The following FZD5 variants were observed in gnomAD, a reference collection of about 807,000 sequenced individuals.
FZD5 encodes frizzled-5.
Under a neutral mutation model 40.8 loss-of-function variants are expected in FZD5, and 12 were observed. The observed-to-expected ratio is 0.29, with a 90% CI of 0.19 to 0.48. FZD5 has a LOEUF of 0.48. Ranked by LOEUF, FZD5 falls within the 20% of genes least tolerant of loss-of-function variation. The pLI is 0.99. For missense variants in FZD5, 622 were observed against 832.8 expected (o/e 0.75, Z 3.12); for synonymous variants, 380 against 383.7 (o/e 0.99, Z 0.11).
At position 207,767,517 on chromosome 2, in the gene FZD5, A is replaced by C; in HGVS notation, c.1223T>G (p.Leu408Arg). ...CGTGCCCACCAGCAGGTAGAGCACC[A>C]GCGGGCCCAGCACGAAGCCGCGCAG... ...NSLRGFVLGP[L>R]VLYLLVGTLF... The change falls in exon 2 of 2, where the codon CTG (leucine) becomes CGG (arginine). Residue 408 changes from leucine (L) to arginine (R), a missense_variant. Leu to Arg is a moderately radical substitution (Grantham distance 102, BLOSUM62 -2). Coordinates refer to ENST00000295417, the MANE Select transcript of FZD5 (RefSeq NM_003468.4). 1 of 1,609,674 alleles carries C rather than the reference A, an allele frequency of 6.2e-7. No homozygotes were observed. The highest frequency in any genetic ancestry group is 8.5e-7 in the Non-Finnish European group (1 of 1,179,896).
Position 207,768,206 on chromosome 2 carries a change from C to T in FZD5, c.534G>A (p.Ser178=). The change falls in exon 2 of 2, where the codon TCG becomes TCA. Residue 178 remains serine (S), a synonymous_variant. Coordinates refer to ENST00000295417, the MANE Select transcript of FZD5 (RefSeq NM_003468.4). ...GGCCCCCAGCGGGGCATTCGCCCCC[C>T]GAGGCCGGCGCCCCTGGCGGGCCTG... is the stretch of plus-strand genomic sequence containing the variant. ...TLPGPPGAPA[S]GGECPAGGPF... 1 of 1,582,390 alleles carries T rather than the reference C, an allele frequency of 6.3e-7. No individual in the cohort carries two copies. Among genetic ancestry groups the T allele is most frequent in the Non-Finnish European group, 8.5e-7 (1 of 1,169,904 alleles).
rs769602884 is a variant in FZD5, at chr2:207,768,413, G to A, written c.327C>T (p.Cys109=). 7 of 1,607,888 alleles carry A rather than the reference G, an allele frequency of 4.4e-6. No homozygotes were observed. The African/African-American group carries it at 6.7e-5, about 15-fold the overall frequency. The change falls in exon 2 of 2, where the codon TGC becomes TGT. Residue 109 remains cysteine (C), a synonymous_variant. Coordinates refer to ENST00000295417, the MANE Select transcript of FZD5 (RefSeq NM_003468.4). ...GCGAGCAGCCGGCCTTGGCGCGCTCGCACACCGAGCGGCAGGGCGGCAGCG... is the reference window on the plus strand; with the variant it reads ...GCGAGCAGCCGGCCTTGGCGCGCTCACACACCGAGCGGCAGGGCGGCAGCG... ...HKPLPPCRSV[C]ERAKAGCSPL...
rs751297747 is a variant in FZD5, at chr2:207,767,250, T to G, written c.1490A>C (p.Lys497Thr). 1.4e-4 allele frequency: 228 copies of G among 1,610,724 alleles called. 1 individual carries two copies. In the South Asian group the frequency reaches 2.2e-3, roughly 16 times the overall value. ...GAGCATGAGCACCCAGTACTCGGGC[T>G]TGGCGCGCGGCTGGCCGGTGTCGTG... ...PGHDTGQPRA[K>T]PEYWVLMLKY... The change falls in exon 2 of 2, where the codon AAG becomes ACG. Residue 497 changes from lysine to threonine, a missense_variant. Around this residue, in one of 4 missense-constraint regions of FZD5, gnomAD observed 154 missense variants for 152.1 expected, o/e 1.01. Transcript: ENST00000295417.
chr2:207,769,109 C>G lies in FZD5; in HGVS notation c.-255-115G>C, dbSNP rs185315590. The G allele has an allele frequency of 2.2e-5, 5 of 226,624 alleles. No homozygotes were observed. In the Admixed American group the frequency reaches 2.2e-4, roughly 10 times the overall value. The allele number at this position is 226,624 out of a possible 1,614,324, so 14.0% of individuals were successfully genotyped here. ...CTCTTAAGTTAACCCCTTTCCTTTC[C>G]TCCCCGCTCCGCCTCCTGTAACCAA... On this transcript the variant is annotated intron_variant, in intron 1 of 1. Transcript: ENST00000295417.
In FZD5 at chr2:207,766,794, G is replaced by T; in HGVS notation, c.*188C>A. 1 of 469,624 alleles carries T rather than the reference G, an allele frequency of 2.1e-6. No homozygotes were observed. Among genetic ancestry groups the T allele is most frequent in the East Asian group, 3.3e-5 (1 of 30,712 alleles). 29.1% of individuals were successfully genotyped at this position (469,624 alleles called of 1,614,324 possible). A position where few individuals can be genotyped will look rare whatever the true frequency, so the allele number is the denominator to read the frequency against. On this transcript the variant is annotated 3_prime_UTR_variant, in exon 2 of 2. Coordinates refer to ENST00000295417, the MANE Select transcript of FZD5 (RefSeq NM_003468.4). ...AAGAAACGCAAAATAGAATACACGT[G>T]AGCTGGGCCCCTTGGAGAAGACCTG...
Position 207,762,599 on chromosome 2 carries a change from T to C in FZD5, c.*4383A>G, listed in dbSNP as rs1440156321. 6.6e-6 allele frequency: 1 copy of C among 152,666 alleles called. No homozygotes were observed. The highest frequency in any genetic ancestry group is 1.5e-5 in the Non-Finnish European group (1 of 68,038). 9.5% of individuals were successfully genotyped at this position (152,666 alleles called of 1,614,324 possible). A position where few individuals can be genotyped will look rare whatever the true frequency, so the allele number is the denominator to read the frequency against. On this transcript the variant is annotated 3_prime_UTR_variant, in exon 2 of 2. Coordinates refer to ENST00000295417, the MANE Select transcript of FZD5 (RefSeq NM_003468.4). ...GGAGAAAAAGACTTCTACAGCATCT[T>C]TTTATTGTCTTTACCATTACTTTAA... is the stretch of plus-strand genomic sequence containing the variant.
In FZD5 at chr2:207,767,977, C is replaced by A. The variant is rs2091989097; in HGVS notation, c.763G>T (p.Ala255Ser). The A allele has an allele frequency of 6.2e-7, 1 of 1,608,014 alleles. No homozygotes were observed. The change falls in exon 2 of 2, where the codon GCC (alanine) becomes TCC (serine). Residue 255 changes from alanine (A) to serine (S), a missense_variant. Ala to Ser is a moderately conservative substitution (Grantham distance 99, BLOSUM62 1). Coordinates refer to ENST00000295417, the MANE Select transcript of FZD5 (RefSeq NM_003468.4). Reference protein sequence around the residue: ...LCFISTSTTVATFLIDMERFR... With the variant: ...LCFISTSTTVSTFLIDMERFR... ...CGTTCCATGTCGATGAGGAAGGTGG[C>A]CACTGTGGTGGACGTGGAGATGAAG...
chr2:207,767,174 C>T lies in FZD5; in HGVS notation c.1566G>A (p.Trp522Ter). The change falls in exon 2 of 2, where the codon TGG becomes TGA. Residue 522 changes from tryptophan (W) to a stop codon, truncating the protein, a stop_gained. Transcript: ENST00000295417. LOFTEE classifies it high-confidence loss of function. ...VVGITSGVWIWSGKTVESWRR... is the reference protein window; with the variant it reads ...VVGITSGVWI ...GCCACGACTCCACCGTCTTGCCCGACCAGATCCAGACGCCCGACGTGATGC... is the reference window on the plus strand; with the variant it reads ...GCCACGACTCCACCGTCTTGCCCGATCAGATCCAGACGCCCGACGTGATGC... 1 of 1,593,974 alleles carries T rather than the reference C, an allele frequency of 6.3e-7. No individual in the cohort carries two copies. Among genetic ancestry groups the T allele is most frequent in the Non-Finnish European group, 8.5e-7 (1 of 1,171,412 alleles).
Position 207,766,071 on chromosome 2 carries a change from TAAAAAAAAA to T in FZD5, c.*902_*910del. On this transcript the variant is annotated 3_prime_UTR_variant, in exon 2 of 2. Transcript: ENST00000295417. ...TACCAAAATTATAACACAAGTTCCT[TAAAAAAAAA>T]AAAAAAAAAAAAAAAAGGGGATCAC... 1.1e-5 allele frequency: 1 copy of T among 91,656 alleles called. No individual in the cohort carries two copies. The highest frequency in any genetic ancestry group is 5.1e-4 in the South Asian group (1 of 1,946). The allele number at this position is 91,656 out of a possible 1,614,324, so 5.7% of individuals were successfully genotyped here.
rs989343268 is a variant in FZD5 at position 207,767,378 on chromosome 2, C to A, written c.1362G>T (p.Thr454=). Residue 454 remains threonine, a synonymous_variant, in exon 2 of 2, where the codon ACG becomes ACT. Transcript: ENST00000295417. ...EKLMIRIGIF[T]LLYTVPASIV... is the part of the protein sequence containing the mutation. ...TGCTGGCGGGGACCGTGTAGAGCAG[C>A]GTGAAGATGCCGATGCGGATCATGA... 1.9e-6 allele frequency: 3 copies of A among 1,612,522 alleles called. No individual in the cohort carries two copies. Among genetic ancestry groups the A allele is most frequent in the African/African-American group, 1.3e-5 (1 of 75,002 alleles).
In FZD5 at chr2:207,764,573, C is replaced by A. The variant is rs1179764930; in HGVS notation, c.*2409G>T. Reference sequence around the variant, plus strand: ...AAAGATCCTGACTAATATTGCCCCCCACTTGGGCTTAGCGTCCTTTGTTTT... The same window carrying A: ...AAAGATCCTGACTAATATTGCCCCCAACTTGGGCTTAGCGTCCTTTGTTTT... On this transcript the variant is annotated 3_prime_UTR_variant, in exon 2 of 2. Coordinates refer to ENST00000295417, the MANE Select transcript of FZD5 (RefSeq NM_003468.4). The A allele has an allele frequency of 6.6e-6, 1 of 152,190 alleles. No homozygotes were observed. Among genetic ancestry groups the A allele is most frequent in the East Asian group, 1.9e-4 (1 of 5,194 alleles). 9.4% of individuals were successfully genotyped at this position (152,190 alleles called of 1,614,324 possible).
In FZD5 at chr2:207,769,785, G is replaced by A. The variant is rs1253637394; in HGVS notation, c.-776C>T. Among the ~76,000 whole-genome samples the A allele has an allele frequency of 1.3e-5, 2 of 151,894 alleles. No homozygotes were observed. The highest frequency in any genetic ancestry group is 4.8e-5 in the African/African-American group (2 of 41,372). On this transcript the variant is annotated 5_prime_UTR_variant, in exon 1 of 2. Coordinates refer to ENST00000295417, the MANE Select transcript of FZD5 (RefSeq NM_003468.4). ...TCCTGGGGGCGGTGGCGACGCTCTC[G>A]GGACGTGCCCTGCTCGGCTCCTCCC...
In FZD5 at chr2:207,762,688, A is replaced by C. The variant is rs79983442; in HGVS notation, c.*4294T>G. The stretch of plus-strand genomic sequence containing the variant: ...AAAAATAGACATTTCTTTGTTTTTC[A>C]TAAATAACTAATCTTCATATTTGAT... On this transcript the variant is annotated 3_prime_UTR_variant, in exon 2 of 2. Transcript: ENST00000295417. 6.5e-6 allele frequency: 1 copy of C among 152,680 alleles called. No individual in the cohort carries two copies. The highest frequency in any genetic ancestry group is 2.4e-5 in the African/African-American group (1 of 41,466). The allele number at this position is 152,680 out of a possible 1,614,324, so 9.5% of individuals were successfully genotyped here. A position where few individuals can be genotyped will look rare whatever the true frequency, so the allele number is the denominator to read the frequency against.
Position 207,768,475 on chromosome 2 carries a change from T to C in FZD5, c.265A>G (p.Met89Val), listed in dbSNP as rs1208362782. 1.9e-6 allele frequency: 3 copies of C among 1,613,340 alleles called. No individual in the cohort carries two copies. Among genetic ancestry groups the C allele is most frequent in the African/African-American group, 2.7e-5 (2 of 74,902 alleles). The change falls in exon 2 of 2, where the codon ATG becomes GTG. Residue 89 changes from methionine to valine, a missense_variant. Physicochemically the swap from Met to Val is conservative, Grantham distance 21. Transcript: ENST00000295417. ...TCGGGCAGACAGATGGGCGTGTACA[T>C]AGAGCATAGGAAGAAGCGCAGGTCC... ...SPDLRFFLCS[M>V]YTPICLPDYH...
At position 207,769,256 on chromosome 2, in the gene FZD5, G is replaced by A. The variant is rs2091998852; in HGVS notation, c.-256+9C>T. The A allele has an allele frequency of 6.5e-6, 1 of 154,440 alleles. No homozygotes were observed. Among genetic ancestry groups the A allele is most frequent in the African/African-American group, 2.4e-5 (1 of 41,512 alleles). 9.6% of individuals were successfully genotyped at this position (154,440 alleles called of 1,614,324 possible). ...GGGAGAAGAACAGGGAGAAAGGGAA[G>A]GTTCTCACCTCCACGGATCCCGCCG... On this transcript the variant is annotated intron_variant, in intron 1 of 1. Coordinates refer to ENST00000295417, the MANE Select transcript of FZD5 (RefSeq NM_003468.4).
In FZD5 at chr2:207,766,741, A is replaced by T. The variant is rs1191875115; in HGVS notation, c.*241T>A. The T allele has an allele frequency of 2.6e-6, 1 of 382,094 alleles. No homozygotes were observed. The highest frequency in any genetic ancestry group is 1.3e-4 in the South Asian group (1 of 7,628). The allele number at this position is 382,094 out of a possible 1,614,324, so 23.7% of individuals were successfully genotyped here. On this transcript the variant is annotated 3_prime_UTR_variant, in exon 2 of 2. Coordinates refer to ENST00000295417, the MANE Select transcript of FZD5 (RefSeq NM_003468.4). ...AATTAAGAAAAATACATATAAATTAAAAAGAGGGTTCCCATAAAGAAGGCA... is the reference window on the plus strand; with the variant it reads ...AATTAAGAAAAATACATATAAATTATAAAGAGGGTTCCCATAAAGAAGGCA...
In FZD5 at chr2:207,767,071, G is replaced by A; in HGVS notation, c.1669C>T (p.Pro557Ser). ...SGGAMAAGDY[P>S]EASAALTGRT... ...CCTGTGAGCGCGGCGCTCGCCTCGG[G>A]GTAGTCCCCTGCGGCCATGGCGCCC... is the stretch of plus-strand genomic sequence containing the variant. The change falls in exon 2 of 2, where the codon CCC becomes TCC. Residue 557 changes from proline (P) to serine (S), a missense_variant. Coordinates refer to ENST00000295417, the MANE Select transcript of FZD5 (RefSeq NM_003468.4). 3.1e-6 allele frequency: 5 copies of A among 1,590,800 alleles called. No homozygotes were observed. The highest frequency in any genetic ancestry group is 2.2e-5 in the East Asian group (1 of 44,724).
rs2105849068 is a variant in FZD5 at position 207,763,141 on chromosome 2, C to A, written c.*3841G>T. Reference sequence around the variant, plus strand: ...TGGCTCAGTAATAAATTCACCTGCACCAAACCCGTATCAAAAGTCACCAAA... The same window carrying A: ...TGGCTCAGTAATAAATTCACCTGCAACAAACCCGTATCAAAAGTCACCAAA... On this transcript the variant is annotated 3_prime_UTR_variant, in exon 2 of 2. Transcript: ENST00000295417. 6.6e-6 allele frequency: 1 copy of A among 152,212 alleles called. No individual in the cohort carries two copies. The highest frequency in any genetic ancestry group is 1.9e-4 in the East Asian group (1 of 5,182). 9.4% of individuals were successfully genotyped at this position (152,212 alleles called of 1,614,324 possible). A position where few individuals can be genotyped will look rare whatever the true frequency, so the allele number is the denominator to read the frequency against.
At position 207,762,701 on chromosome 2, in the gene FZD5, C is replaced by A. The variant is rs924753574; in HGVS notation, c.*4281G>T. The A allele has an allele frequency of 3.3e-5, 5 of 152,584 alleles. No individual in the cohort carries two copies. Among genetic ancestry groups the A allele is most frequent in the Non-Finnish European group, 7.3e-5 (5 of 68,038 alleles). 9.5% of individuals were successfully genotyped at this position (152,584 alleles called of 1,614,324 possible). The stretch of plus-strand genomic sequence containing the variant: ...TCTTTGTTTTTCATAAATAACTAAT[C>A]TTCATATTTGATAAAAATCTCAAAT... On this transcript the variant is annotated 3_prime_UTR_variant, in exon 2 of 2. Transcript: ENST00000295417.
Sources: gnomAD v4.1 joint callset for allele counts (sites outside exome capture counted in the v4.1 genomes callset) on GRCh38, gnomAD v4.1.1 for gene constraint, gnomAD v4.1.1 regional missense constraint, MANE v1.5 for transcripts, NCBI Gene and HGNC (gene_info 2026-07-23, HGNC 2026-07-21) for gene names.